The following DLC1 variants were observed in gnomAD, a reference collection of about 807,000 sequenced individuals.
DLC1 encodes DLC1 Rho GTPase activating protein, also known as rho GTPase-activating protein 7.
In DLC1, 54 loss-of-function variants were observed where a neutral mutation model predicts 140.3. That is an observed-to-expected ratio of 0.38 (90% CI 0.31 to 0.48). DLC1 has a LOEUF of 0.48. Among genes scored for constraint, DLC1 ranks in the 20% least tolerant of loss-of-function variants. The pLI, the probability that DLC1 is intolerant of heterozygous loss-of-function variation, is 0.96. For synonymous variants in DLC1, 986 were observed against 728.1 expected, an observed-to-expected ratio of 1.35 and a Z score of -5.70; for missense variants, 2,536 against 1,907.0, an observed-to-expected ratio of 1.33 and a Z score of -6.14.
intron 2 of DLC1, among the ~76,000 whole-genome samples, chr8:13,449,300 G>A (rs1200259836): frequency 6.6e-6 from 1 of 152,120 alleles, no homozygotes; most frequent in Admixed American, 6.6e-5. Context: ...AGAAATGGAG[G>A]GAACATTTGT....
chr8:13,225,794 T>C (rs1464891882), intron 5 of DLC1, among the ~76,000 whole-genome samples: 3 of 151,992 alleles, frequency 2.0e-5, no homozygotes, highest in Non-Finnish European at 2.9e-5. Flanking sequence ...TTTTTGTATT[T>C]TTAGTAGAGA....
intron 5 of DLC1, among the ~76,000 whole-genome samples, chr8:13,190,561 G>C (rs1826689917): frequency 6.6e-6 from 1 of 152,162 alleles, no homozygotes. Flanking sequence ...AGTGTCTTTT[G>C]AATGCCTTTG....
intron 4 of DLC1, among the ~76,000 whole-genome samples, chr8:13,384,174 T>C (rs775827222): frequency 2.6e-5 from 4 of 152,230 alleles, no homozygotes; most frequent in Non-Finnish European, 2.9e-5. Context: ...TAATATCTTG[T>C]GGACCTACAG....
chr8:13,306,007 C>G (rs1355459246), intron 4 of DLC1, among the ~76,000 whole-genome samples: 2 of 152,184 alleles, frequency 1.3e-5, no homozygotes, highest in Non-Finnish European at 2.9e-5. Flanking sequence ...TCTGTGCACA[C>G]AAGTGAGGTA....
At chr8:13,282,252 T>C (rs1047770607) in intron 5 of DLC1, among the ~76,000 whole-genome samples, 1 of 152,226 alleles carries the variant, frequency 6.6e-6, no homozygotes, top group Non-Finnish European at 1.5e-5. Context: ...GCTGTTTGTT[T>C]GGGTTTAATC....
chr8:13,258,420 T>C (rs1250074376), intron 5 of DLC1, among the ~76,000 whole-genome samples: 1 of 152,232 alleles, frequency 6.6e-6, no homozygotes, highest in Non-Finnish European at 1.5e-5. Context: ...TAGATTTTTG[T>C]TTCTAAAAAT....
intron 4 of DLC1, among the ~76,000 whole-genome samples, chr8:13,308,726 C>G (rs1832554946): frequency 6.6e-6 from 1 of 152,134 alleles, no homozygotes. Context: ...AATGATTAGT[C>G]ACATCACTGG....
intron 5 of DLC1, among the ~76,000 whole-genome samples, chr8:13,199,304 C>T (rs2117058984): frequency 6.6e-6 from 1 of 150,780 alleles, no homozygotes; most frequent in Non-Finnish European, 1.5e-5. Context: ...CCTGCTTAGC[C>T]TCTCAAATAG....
chr8:13,418,162 G>C (rs182328067), intron 2 of DLC1, among the ~76,000 whole-genome samples: 2 of 152,226 alleles, frequency 1.3e-5, no homozygotes, highest in African/African-American at 4.8e-5. Flanking sequence ...CATTTTGTAA[G>C]TTGCCTGTTC....
At chr8:13,264,400 C>G (rs995939218) in intron 5 of DLC1, among the ~76,000 whole-genome samples, 1 of 152,046 alleles carries the variant, frequency 6.6e-6, no homozygotes, top group South Asian at 2.1e-4. Flanking sequence ...TGTTCAAACA[C>G]GAATAATATC....
At chr8:13,091,764 G>C (rs191630631) in intron 13 of DLC1, among the ~76,000 whole-genome samples, 1 of 152,134 alleles carries the variant, frequency 6.6e-6, no homozygotes, top group Non-Finnish European at 1.5e-5. Flanking sequence ...TGGGAAAGGA[G>C]TCCCAGGGAG....
chr8:13,493,786 A>G (rs932499433), intron 2 of DLC1, among the ~76,000 whole-genome samples: 2 of 152,066 alleles, frequency 1.3e-5, no homozygotes, highest in Non-Finnish European at 2.9e-5. Context: ...ACAATTTACT[A>G]TCTTCTTTAT....
intron 1 of DLC1, among the ~76,000 whole-genome samples, chr8:13,511,684 T>A (rs1178550186): frequency 6.6e-6 from 1 of 151,574 alleles, no homozygotes; most frequent in African/African-American, 2.4e-5. Flanking sequence ...AATTTGAAAG[T>A]TTTCAGTGTT....
intron 5 of DLC1, among the ~76,000 whole-genome samples, chr8:13,273,069 TTTAAAAAGATTA>T (rs1831009598): frequency 6.6e-6 from 1 of 152,220 alleles, no homozygotes; most frequent in South Asian, 2.1e-4. Flanking sequence ...TATTTATGCA[TTTAAAAAGATTA>T]TTCTGAGAAG....
At chr8:13,567,544 C>T in intron 1 of DLC1, 1 of 1,551,710 alleles carries the variant, frequency 6.4e-7, no homozygotes. Context: ...GAGGACAACG[C>T]CAAAACAGGA....
rs192570493 is a variant in DLC1 at position 13,368,714 on chromosome 8, G to T, written c.1314+24839C>A. Among the ~76,000 whole-genome samples the T allele has an allele frequency of 3.2e-3, 486 of 152,248 alleles. 1 individual carries two copies. The highest frequency in any genetic ancestry group is 0.011 in the African/African-American group (454 of 41,558). ...GTTAGGTGAAAGAGCCCTCACGGAA[G>T]GGAAGGATGTTTATGGTTTCCAGTT... On this transcript the variant is annotated intron_variant, in intron 4 of 17. Transcript: ENST00000276297.
chr8:13,321,312 G>A (rs771277169), intron 4 of DLC1, among the ~76,000 whole-genome samples: 1 of 151,990 alleles, frequency 6.6e-6, no homozygotes, highest in Non-Finnish European at 1.5e-5. Flanking sequence ...GGCTGTAGTG[G>A]GCAGGTCACA....
At chr8:13,237,672 C>G (rs1829350523) in intron 5 of DLC1, among the ~76,000 whole-genome samples, 1 of 152,030 alleles carries the variant, frequency 6.6e-6, no homozygotes, top group African/African-American at 2.4e-5. Flanking sequence ...TTTCTACATC[C>G]TCATAGCTTA....
intron 5 of DLC1, among the ~76,000 whole-genome samples, chr8:13,159,898 G>C (rs1824551326): frequency 6.6e-6 from 1 of 151,490 alleles, no homozygotes; most frequent in Admixed American, 6.6e-5. Context: ...GGAGGCTCAA[G>C]TCTGTAATCC....
Sources: allele counts gnomAD v4.1 joint callset (sites outside exome capture counted in the v4.1 genomes callset), GRCh38; gene constraint gnomAD v4.1.1; transcripts MANE v1.5; gene names NCBI Gene and HGNC (gene_info 2026-07-23, HGNC 2026-07-21).